STK3: variants seen among roughly 807,000 people sequenced by gnomAD.
STK3 encodes the protein serine/threonine-protein kinase 3.
A neutral mutation model predicts 58.0 loss-of-function variants in STK3; 41 were observed. The ratio of observed to expected loss-of-function variants is 0.71; its 90% confidence interval spans 0.55 to 0.92. The LOEUF (loss-of-function observed/expected upper bound fraction) is 0.92. STK3 is among the 40% of genes least tolerant of loss of function. STK3 has a pLI of 0.00. For synonymous variants in STK3, 170 were observed against 191.0 expected (o/e 0.89, Z 0.91); for missense variants, 479 against 602.7 (o/e 0.79, Z 2.15).
intron 1 of STK3, among the ~76,000 whole-genome samples, chr8:98,824,425 C>T (rs1835116458): frequency 6.6e-6 from 1 of 152,190 alleles, no homozygotes; most frequent in African/African-American, 2.4e-5. Flanking sequence ...ACTGTGTTTT[C>T]TCAGAGGTGC....
chr8:98,635,291 C>T (rs1819540013), intron 6 of STK3, among the ~76,000 whole-genome samples: 4 of 152,150 alleles, frequency 2.6e-5, no homozygotes, highest in South Asian at 2.1e-4. Flanking sequence ...GTTACTATTA[C>T]ATTTTCTCTA....
chr8:98,554,335 G>A (rs1257223203), intron 8 of STK3, among the ~76,000 whole-genome samples: 2 of 151,978 alleles, frequency 1.3e-5, no homozygotes, highest in Non-Finnish European at 2.9e-5. Flanking sequence ...ATTTTAACAC[G>A]TGTGAGTCAT....
Position 98,456,019 on chromosome 8 carries a change from A to G in STK3, c.1318-19T>C. The G allele has an allele frequency of 6.3e-7, 1 of 1,584,734 alleles. No homozygotes were observed. Among genetic ancestry groups the G allele is most frequent in the Non-Finnish European group, 8.6e-7 (1 of 1,163,506 alleles). ...TTTTCAACTAGATACAGAAAGAAAG[A>G]TACCAATACAATGAAATTATCCACA... On this transcript the variant is annotated intron_variant, in intron 10 of 10. Transcript: ENST00000419617.
intron 3 of STK3, among the ~76,000 whole-genome samples, chr8:98,872,093 G>A (rs1456633533): frequency 6.6e-6 from 1 of 152,146 alleles, no homozygotes; most frequent in Non-Finnish European, 1.5e-5. Flanking sequence ...TGCATCTATT[G>A]AGATAATCAT....
chr8:98,458,431 CTATTAT>C (rs1031276457), intron 10 of STK3, among the ~76,000 whole-genome samples: 3 of 152,056 alleles, frequency 2.0e-5, no homozygotes, highest in Admixed American at 6.6e-5. Context: ...ATTGCTATTA[CTATTAT>C]TATTATTAAT....
intron 10 of STK3, among the ~76,000 whole-genome samples, chr8:98,478,830 C>T (rs1257593183): frequency 6.6e-6 from 1 of 152,172 alleles, no homozygotes; most frequent in African/African-American, 2.4e-5. Flanking sequence ...TCTTTGGGCT[C>T]ATGCACCACA....
chr8:98,695,939 A>G (rs1319080428), intron 6 of STK3, among the ~76,000 whole-genome samples: 3 of 152,076 alleles, frequency 2.0e-5, no homozygotes, highest in Non-Finnish European at 4.4e-5. Context: ...CATTGAATCT[A>G]TAAATTACCT....
Position 98,706,533 on chromosome 8 carries a change from G to T in STK3, c.618C>A (p.Ser206=). The change falls in exon 6 of 11, where the codon TCC becomes TCA. Residue 206 remains serine, a synonymous_variant. Coordinates refer to ENST00000419617, the MANE Select transcript of STK3 (RefSeq NM_006281.4). ...IGYNCVADIW[S]LGITSIEMAE... is the part of the protein sequence containing the mutation. ...CCATTTCTATAGAAGTAATGCCAAG[G>T]GACCAGATGTCGGCCACACAGTTAT... 6.2e-7 allele frequency: 1 copy of T among 1,613,796 alleles called. No individual in the cohort carries two copies. The highest frequency in any genetic ancestry group is 8.5e-7 in the Non-Finnish European group (1 of 1,179,884).
chr8:98,563,057 A>T (rs1442324834), intron 8 of STK3, among the ~76,000 whole-genome samples: 1 of 152,102 alleles, frequency 6.6e-6, no homozygotes, highest in Admixed American at 6.6e-5. Flanking sequence ...ATATTGAAAC[A>T]AATTCACTGA....
chr8:98,584,078 CT>C (rs922620361), intron 7 of STK3, among the ~76,000 whole-genome samples: 94 of 145,220 alleles, frequency 6.5e-4, no homozygotes, highest in South Asian at 2.2e-3. Context: ...TAGTGAAAAT[CT>C]TTTTTTTTTT....
intron 1 of STK3, among the ~76,000 whole-genome samples, chr8:98,908,843 CAAAAAAAAAAA>C (rs1187304586): frequency 1.7e-5 from 1 of 60,456 alleles, no homozygotes; most frequent in African/African-American, 5.5e-5. Flanking sequence ...GACTTCTTCT[CAAAAAAAAAAA>C]AAAAAAAAAA....
At chr8:98,531,487 G>C (rs992075885) in intron 9 of STK3, among the ~76,000 whole-genome samples, 1 of 152,134 alleles carries the variant, frequency 6.6e-6, no homozygotes, top group Non-Finnish European at 1.5e-5. Flanking sequence ...TGCCATCCAG[G>C]CTTCATTATT....
intron 1 of STK3, among the ~76,000 whole-genome samples, chr8:98,380,857 T>G (rs970799349): frequency 2.0e-5 from 3 of 152,122 alleles, no homozygotes; most frequent in Admixed American, 6.5e-5. Flanking sequence ...TTCTTGTAGG[T>G]TATCTTATAA....
Position 98,903,556 on chromosome 8 carries a change from C to CTTCTTCTTCCTCTTCTTCTTCTT in STK3, c.-78-19723_-78-19722insAAGAAGAAGAAGAGGAAGAAGAA, listed in dbSNP as rs200556218. 6.3e-4 allele frequency among the ~76,000 whole-genome samples: 32 copies of CTTCTTCTTCCTCTTCTTCTTCTT among 50,518 alleles called. 1 individual carries two copies. The highest frequency in any genetic ancestry group is 4.8e-3 in the South Asian group (7 of 1,450). The allele number at this position is 50,518 out of a possible 152,430, so 33.1% of individuals were successfully genotyped here. A position where few individuals can be genotyped will look rare whatever the true frequency, so the allele number is the denominator to read the frequency against. On this transcript the variant is annotated intron_variant, in intron 1 of 1. Coordinates refer to the STK3 transcript ENST00000519420. The stretch of plus-strand genomic sequence containing the variant: ...TCTTCTTCTTCTTCTTCTTCTTCTT[C>CTTCTTCTTCCTCTTCTTCTTCTT]CTTTTTTTTTTTTTAAGTGGGGCCT...
At chr8:98,790,299 C>T (rs545414470) in intron 1 of STK3, among the ~76,000 whole-genome samples, 12 of 152,198 alleles carry the variant, frequency 7.9e-5, no homozygotes, top group South Asian at 2.1e-4. Context: ...TAACCAAATC[C>T]GACAACATAT....
chr8:98,858,180 G>A (rs1014572698), intron 3 of STK3, among the ~76,000 whole-genome samples: 6 of 150,566 alleles, frequency 4.0e-5, no homozygotes, highest in Non-Finnish European at 4.4e-5. Context: ...TCAGGAGTTC[G>A]AGACCAGCCT....
intron 6 of STK3, among the ~76,000 whole-genome samples, chr8:98,660,883 G>T (rs1821919549): frequency 6.6e-6 from 1 of 151,942 alleles, no homozygotes; most frequent in African/African-American, 2.4e-5. Flanking sequence ...CCTCAAAAAT[G>T]AAGAAGAAAT....
intron 1 of STK3, among the ~76,000 whole-genome samples, chr8:98,819,091 G>A (rs1218908232): frequency 6.6e-6 from 1 of 152,086 alleles, no homozygotes; most frequent in Non-Finnish European, 1.5e-5. Flanking sequence ...CCAAAGTGCT[G>A]GGATTACAGG....
At chr8:98,567,351 C>G (rs1022890519) in intron 8 of STK3, among the ~76,000 whole-genome samples, 8 of 152,150 alleles carry the variant, frequency 5.3e-5, no homozygotes, top group African/African-American at 1.7e-4. Context: ...GTGAGCACCA[C>G]CATGCCTGGC....
Sources: gnomAD v4.1 joint callset for allele counts (sites outside exome capture counted in the v4.1 genomes callset) on GRCh38, gnomAD v4.1.1 for gene constraint, MANE v1.5 for transcripts, NCBI Gene and HGNC (gene_info 2026-07-23, HGNC 2026-07-21) for gene names.